Variants in MGST2 observed in about 807,000 individuals in gnomAD.
MGST2 encodes microsomal glutathione S-transferase 2, also known as glutathione peroxidase MGST2.
A neutral mutation model predicts 16.6 loss-of-function variants in MGST2; 9 were observed. That is an observed-to-expected ratio of 0.54 (90% CI 0.33 to 0.95). The LOEUF (loss-of-function observed/expected upper bound fraction) is 0.95, where lower values mean the gene tolerates loss of function less well. Ranked by LOEUF, MGST2 falls within the 40% of genes least tolerant of loss-of-function variation. MGST2 has a pLI of 0.03. For synonymous variants in MGST2, 79 were observed against 68.0 expected, an observed-to-expected ratio of 1.16 and a Z score of -0.79; for missense variants, 159 against 175.1, an observed-to-expected ratio of 0.91 and a Z score of 0.52.
At chr4:139,692,590 C>T (rs1450367561) in intron 2 of MGST2, among the ~76,000 whole-genome samples, 2 of 152,360 alleles carry the variant, frequency 1.3e-5, no homozygotes, top group East Asian at 3.9e-4. Context: ...CATGGCACCA[C>T]TTGTATCTGG....
intron 1 of MGST2, among the ~76,000 whole-genome samples, chr4:139,671,976 G>A (rs1016784021): frequency 3.9e-5 from 6 of 152,040 alleles, no homozygotes; most frequent in African/African-American, 1.4e-4. Flanking sequence ...AATAGCCATG[G>A]TCTCTCTGAG....
chr4:139,671,564 T>C (rs1218277865), intron 1 of MGST2, among the ~76,000 whole-genome samples: 1 of 151,936 alleles, frequency 6.6e-6, no homozygotes, highest in Non-Finnish European at 1.5e-5. Context: ...CCTCCCAAGG[T>C]CAAGCAATTC....
At chr4:139,740,380 C>T (rs1026469163) in exon 6 of MGST2, 2 of 152,314 alleles carry the variant, frequency 1.3e-5, no homozygotes, top group African/African-American at 2.4e-5. Flanking sequence ...CAGCCTCTGC[C>T]GGCATGCAAG....
the MGST2 span, among the ~76,000 whole-genome samples, chr4:139,754,191 T>G: frequency 6.6e-6 from 1 of 152,166 alleles, no homozygotes; most frequent in Non-Finnish European, 1.5e-5. Flanking sequence ...AAAACAAAGG[T>G]GTATTAGGGA....
chr4:139,689,168 C>A (rs1726428016), intron 2 of MGST2, among the ~76,000 whole-genome samples: 1 of 150,680 alleles, frequency 6.6e-6, no homozygotes, highest in African/African-American at 2.4e-5. Flanking sequence ...GTGTGATGAG[C>A]TCCTCAAACT....
chr4:139,716,604 T>G (rs1727974013), intron 5 of MGST2: 2 of 152,618 alleles, frequency 1.3e-5, no homozygotes, highest in Admixed American at 6.5e-5. Flanking sequence ...AGGCTGGGAA[T>G]GATTGATCTC....
intron 5 of MGST2, chr4:139,717,314 A>ATATT (rs1553949966): frequency 6.6e-5 from 10 of 152,354 alleles, no homozygotes; most frequent in South Asian, 2.1e-4. Context: ...CATTGCTTAT[A>ATATT]TATTTATTTC....
intron 2 of MGST2, among the ~76,000 whole-genome samples, chr4:139,683,919 GTTTTTTTTTTT>G (rs34222679): frequency 3.2e-5 from 3 of 92,406 alleles, no homozygotes; most frequent in Non-Finnish European, 4.3e-5. Flanking sequence ...TCAGTTTTGT[GTTTTTTTTTTT>G]TTTTTTTTTT....
rs568344535 is a variant in MGST2 at position 139,713,862 on chromosome 4, G to C, written c.*48+9666G>C. On this transcript the variant is annotated intron_variant, in intron 5 of 5. Coordinates refer to the MGST2 transcript ENST00000616265. ...GAAATCGAACCCTGGCTACCAATAT[G>C]AAAGTGCACGATCTTAGCTACTGAG... 6.6e-5 allele frequency among the ~76,000 whole-genome samples: 10 copies of C among 152,346 alleles called. No individual in the cohort carries two copies. The East Asian group carries it at 1.7e-3, about 26-fold the overall frequency.
At chr4:139,703,004 C>A (rs942309863) in intron 3 of MGST2, among the ~76,000 whole-genome samples, 5 of 151,802 alleles carry the variant, frequency 3.3e-5, no homozygotes, top group African/African-American at 1.2e-4. Context: ...TGGCTCACTG[C>A]AACCTCCACC....
At chr4:139,701,521 T>C (rs962104193) in intron 3 of MGST2, among the ~76,000 whole-genome samples, 6 of 152,214 alleles carry the variant, frequency 3.9e-5, no homozygotes, top group African/African-American at 1.4e-4. Flanking sequence ...TCTCTCTTCA[T>C]TTCTTTCACA....
intron 5 of MGST2, among the ~76,000 whole-genome samples, chr4:139,736,479 T>C (rs2111009302): frequency 6.6e-6 from 1 of 152,226 alleles, no homozygotes; most frequent in East Asian, 1.9e-4. Flanking sequence ...CCATCTGACC[T>C]CTCTCAGTCC....
At chr4:139,705,346 C>T (rs1347389909), downstream of MGST2, among the ~76,000 whole-genome samples, 1 of 152,102 alleles carries the variant, frequency 6.6e-6, no homozygotes, top group Non-Finnish European at 1.5e-5. Flanking sequence ...TCTGAAAAGT[C>T]CTTGGGCATG....
chr4:139,738,004 G>T (rs1579378302), intron 5 of MGST2, among the ~76,000 whole-genome samples: 1 of 152,388 alleles, frequency 6.6e-6, no homozygotes, highest in East Asian at 1.9e-4. Flanking sequence ...TGCGAAGGCT[G>T]CTAAATGGGT....
At chr4:139,719,215 G>GCTT in intron 5 of MGST2, 1 of 1,351,074 alleles carries the variant, frequency 7.4e-7, no homozygotes, top group Non-Finnish European at 9.9e-7. Flanking sequence ...GTTTTGCTCA[G>GCTT]TTTACGTGGG....
intron 2 of MGST2, among the ~76,000 whole-genome samples, chr4:139,679,715 C>A (rs1429645779): frequency 6.6e-6 from 1 of 151,984 alleles, no homozygotes; most frequent in Admixed American, 6.6e-5. Context: ...GGCTTGAAAG[C>A]GTGGGGTGAA....
chr4:139,719,967 TGGC>T, intron 5 of MGST2: 1 of 1,614,072 alleles, frequency 6.2e-7, no homozygotes. Flanking sequence ...TGCTGGGTAA[TGGC>T]TGAGTTCACC....
chr4:139,707,913 T>C (rs540867197), downstream of MGST2, among the ~76,000 whole-genome samples: 452 of 152,004 alleles, frequency 3.0e-3, 5 homozygotes, highest in Non-Finnish European at 4.8e-3. Flanking sequence ...GTTTGTTTTT[T>C]TCTTGTAAAT....
rs1213074012 is a variant in MGST2 at position 139,735,638 on chromosome 4, T to C, written c.*49-4574T>C. On this transcript the variant is annotated intron_variant, in intron 5 of 5. Coordinates refer to the MGST2 transcript ENST00000616265. This position sits in a 1 kb window ranked among gnomAD's most constrained non-coding sequence, Gnocchi z 5.8. Reference sequence around the variant, plus strand: ...TCAGAGTCCTTGCAATCGCTTGGCCTACGAACAACCTAAATGAAATTTAGG... The same window carrying C: ...TCAGAGTCCTTGCAATCGCTTGGCCCACGAACAACCTAAATGAAATTTAGG... Among the ~76,000 whole-genome samples, 1 of 152,174 alleles carries C rather than the reference T, an allele frequency of 6.6e-6. No homozygotes were observed. Among genetic ancestry groups the C allele is most frequent in the Non-Finnish European group, 1.5e-5 (1 of 68,026 alleles).
Sources: allele counts gnomAD v4.1 joint callset (sites outside exome capture counted in the v4.1 genomes callset), GRCh38; gene constraint gnomAD v4.1.1; non-coding constraint Gnocchi (gnomAD v3.1); transcripts MANE v1.5; gene names NCBI Gene and HGNC (gene_info 2026-07-23, HGNC 2026-07-21).